The following WHRN variants were observed in gnomAD, a reference collection of about 807,000 sequenced individuals.
WHRN encodes the protein whirlin, also known as CASK-interacting protein CIP98.
Under a neutral mutation model 68.3 loss-of-function variants are expected in WHRN, and 41 were observed. The observed-to-expected ratio is 0.60, with a 90% CI of 0.47 to 0.78. The LOEUF (loss-of-function observed/expected upper bound fraction) is 0.78. Among genes scored for constraint, WHRN ranks in the 30% least tolerant of loss-of-function variants. WHRN has a pLI of 0.00. For missense variants in WHRN, 1,243 were observed against 1,244.7 expected, an observed-to-expected ratio of 1.00 and a Z score of 0.02; for synonymous variants, 560 against 561.3, an observed-to-expected ratio of 1.00 and a Z score of 0.03.
At chr9:114,406,089 G>A (rs1014831734) in intron 9 of WHRN, among the ~76,000 whole-genome samples, 1 of 152,242 alleles carries the variant, frequency 6.6e-6, no homozygotes, top group Non-Finnish European at 1.5e-5. Context: ...GCACCCCGAC[G>A]CTCGCAGCAA....
intron 1 of WHRN, chr9:114,491,614 G>A (rs1842978652): frequency 9.2e-6 from 2 of 218,418 alleles, no homozygotes; most frequent in South Asian, 9.2e-5. Context: ...TGAAAAAGCA[G>A]AGCGCGCCTC....
chr9:114,423,084 G>A (rs2132352348), intron 7 of WHRN, among the ~76,000 whole-genome samples: 1 of 152,086 alleles, frequency 6.6e-6, no homozygotes, highest in South Asian at 2.1e-4. Flanking sequence ...AGGAGGCAGG[G>A]CCACATCTCT....
At position 114,493,348 on chromosome 9, in the gene WHRN, CT is replaced by C. The variant is rs796867439; in HGVS notation, c.618+10835del. Among the ~76,000 whole-genome samples the C allele has an allele frequency of 5.4e-3, 406 of 75,226 alleles. 1 individual carries two copies. Among genetic ancestry groups the C allele is most frequent in the Middle Eastern group, 0.029 (2 of 70 alleles). The allele number at this position is 75,226 out of a possible 152,430, so 49.4% of individuals were successfully genotyped here. The stretch of plus-strand genomic sequence containing the variant: ...CCTGGCCAACAGAATAAGACCCTAT[CT>C]TTTTTTTAAAAAAAAAAAAAAAGTG... On this transcript the variant is annotated intron_variant, in intron 1 of 11. Coordinates refer to ENST00000362057, the MANE Select transcript of WHRN (RefSeq NM_015404.4).
intron 1 of WHRN, among the ~76,000 whole-genome samples, chr9:114,489,715 C>G (rs1014351008): frequency 6.6e-6 from 1 of 152,156 alleles, no homozygotes; most frequent in African/African-American, 2.4e-5. Flanking sequence ...GGTAGATGCT[C>G]AATAAAACCA....
At chr9:114,426,913 G>A (rs10982213) in intron 3 of WHRN, among the ~76,000 whole-genome samples, 30,783 of 152,138 alleles carry the variant, frequency 0.2, 3,652 homozygotes, top group East Asian at 0.33. Flanking sequence ...TTAGTTTTCC[G>A]TTAAAGCAGT....
chr9:114,456,566 G>A (rs1256676027), intron 3 of WHRN, among the ~76,000 whole-genome samples: 2 of 152,134 alleles, frequency 1.3e-5, no homozygotes, highest in East Asian at 1.9e-4. Context: ...GGTGGCTCAC[G>A]TCTGTAATCC....
intron 2 of WHRN, among the ~76,000 whole-genome samples, chr9:114,470,159 G>A (rs777975307): frequency 2.6e-5 from 4 of 152,152 alleles, no homozygotes; most frequent in Non-Finnish European, 4.4e-5. Flanking sequence ...CAGACTTGAG[G>A]ATACACTTAT....
At chr9:114,484,828 C>T (rs1842356346) in intron 1 of WHRN, among the ~76,000 whole-genome samples, 1 of 152,180 alleles carries the variant, frequency 6.6e-6, no homozygotes, top group Non-Finnish European at 1.5e-5. Context: ...GGCAAATTTG[C>T]CTCACTCAGC....
At position 114,486,979 on chromosome 9, in the gene WHRN, AT is replaced by A. The variant is rs1405027288; in HGVS notation, c.619-8209del. On this transcript the variant is annotated intron_variant, in intron 1 of 11. Coordinates refer to ENST00000362057, the MANE Select transcript of WHRN (RefSeq NM_015404.4). ...TGTGTGTATATATATATATATATAT[AT>A]ATATATATATATATATATATATATA... Among the ~76,000 whole-genome samples, 7 of 3,048 alleles carry A rather than the reference AT, an allele frequency of 2.3e-3. 1 individual carries two copies. The highest frequency in any genetic ancestry group is 0.012 in the Non-Finnish European group (5 of 430). The allele number at this position is 3,048 out of a possible 152,430, so 2.0% of individuals were successfully genotyped here.
intron 1 of WHRN, among the ~76,000 whole-genome samples, chr9:114,481,054 C>T (rs1842058949): frequency 6.6e-6 from 1 of 152,126 alleles, no homozygotes. Flanking sequence ...GGGGGGTGAA[C>T]ACTTAGCTCT....
intron 1 of WHRN, among the ~76,000 whole-genome samples, chr9:114,485,132 T>C (rs773346636): frequency 5.9e-5 from 9 of 152,196 alleles, no homozygotes; most frequent in East Asian, 1.9e-4. Flanking sequence ...ACCCAGCTTA[T>C]TTCAGGGTGC....
chr9:114,468,550 G>A (rs552070498), intron 2 of WHRN, among the ~76,000 whole-genome samples: 1 of 152,246 alleles, frequency 6.6e-6, no homozygotes, highest in Non-Finnish European at 1.5e-5. Flanking sequence ...AGACTCTGCG[G>A]TTTGTCAGGG....
intron 3 of WHRN, among the ~76,000 whole-genome samples, chr9:114,454,673 T>C (rs769310202): frequency 2.1e-5 from 3 of 143,210 alleles, no homozygotes; most frequent in Non-Finnish European, 3.0e-5. Context: ...CCAATTCCAA[T>C]CCCAGGAAGC....
chr9:114,403,273 C>G lies in WHRN; in HGVS notation c.2485G>C (p.Ala829Pro), dbSNP rs139597771. The G allele has an allele frequency of 3.1e-6, 5 of 1,614,008 alleles. No homozygotes were observed. The highest frequency in any genetic ancestry group is 3.4e-6 in the Non-Finnish European group (4 of 1,180,044). ...CGGGTGTTGGCGCCACCCTCGATGG[C>G]GATGCCCAGGGTGGCCGCACTTTTC... is the stretch of plus-strand genomic sequence containing the variant. ...VKKSAATLGIAIEGGANTRQP... is the reference protein window; with the variant it reads ...VKKSAATLGIPIEGGANTRQP... Residue 829 changes from alanine to proline, a missense_variant, in exon 11 of 12, where the codon GCC (alanine) becomes CCC (proline). By Grantham distance (27) the Ala-to-Pro change is conservative. Coordinates refer to ENST00000362057, the MANE Select transcript of WHRN (RefSeq NM_015404.4).
intron 7 of WHRN, among the ~76,000 whole-genome samples, chr9:114,412,012 T>A (rs909447926): frequency 1.3e-5 from 2 of 152,006 alleles, no homozygotes; most frequent in African/African-American, 4.8e-5. Context: ...ACTAACTGCA[T>A]CCTGGGGACA....
At chr9:114,496,045 G>GTT (rs957603918) in intron 1 of WHRN, among the ~76,000 whole-genome samples, 4 of 149,196 alleles carry the variant, frequency 2.7e-5, no homozygotes, top group African/African-American at 9.8e-5. Flanking sequence ...AAATTACAGG[G>GTT]TTTTTTTTTT....
At position 114,504,582 on chromosome 9, in the gene WHRN, G is replaced by T; in HGVS notation, c.220C>A (p.Leu74Met). Residue 74 changes from leucine to methionine, a missense_variant, in exon 1 of 12, where the codon CTG (leucine) becomes ATG (methionine). Leu to Met is a conservative substitution (Grantham distance 15). Coordinates refer to ENST00000362057, the MANE Select transcript of WHRN (RefSeq NM_015404.4). ...AGCAGCACGCGCAGGGTGCGCACCA[G>T]GTCGAAGACGTTGCGGCGCGCGTGG... ...AYHARRNVFD[L>M]VRTLRVLLDS... 1 of 1,611,460 alleles carries T rather than the reference G, an allele frequency of 6.2e-7. No individual in the cohort carries two copies. The highest frequency in any genetic ancestry group is 8.5e-7 in the Non-Finnish European group (1 of 1,179,646).
chr9:114,476,000 T>G (rs1298198779), intron 2 of WHRN, among the ~76,000 whole-genome samples: 1 of 152,180 alleles, frequency 6.6e-6, no homozygotes, highest in Non-Finnish European at 1.5e-5. Context: ...GAGCTCACTC[T>G]GTTGCTCAGG....
intron 8 of WHRN, among the ~76,000 whole-genome samples, chr9:114,407,512 C>A (rs1467367208): frequency 6.6e-6 from 1 of 152,230 alleles, no homozygotes; most frequent in African/African-American, 2.4e-5. Flanking sequence ...GTGACTACCA[C>A]TCCCCTCTGC....
Sources: allele counts gnomAD v4.1 joint callset (sites outside exome capture counted in the v4.1 genomes callset), GRCh38; gene constraint gnomAD v4.1.1; transcripts MANE v1.5; gene names NCBI Gene and HGNC (gene_info 2026-07-23, HGNC 2026-07-21).